Variants in MAP2 observed in about 807,000 individuals in gnomAD.
The protein encoded by MAP2 is microtubule associated protein 2, also known as microtubule-associated protein 2.
MAP2 carries 14 observed loss-of-function variants against 137.6 expected under a neutral mutation model. The ratio of observed to expected loss-of-function variants is 0.10; its 90% CI spans 0.07 to 0.16. The LOEUF is 0.16. Ranked by LOEUF, MAP2 falls within the 10% of genes least tolerant of loss-of-function variation. The probability of loss-of-function intolerance (pLI) is 1.00; values close to 1 mark genes in which losing one functional copy is unlikely to be tolerated. For synonymous variants in MAP2, 786 were observed against 782.3 expected (o/e 1.00, Z -0.08); for missense variants, 2,088 against 2,191.5 (o/e 0.95, Z 0.94).
In MAP2 at chr2:209,587,547, A is replaced by C. The variant is rs185585114; in HGVS notation, c.-107+7447A>C. On this transcript the variant is annotated intron_variant, in intron 3 of 15. Transcript: ENST00000682079. ...AGAAGCCTTGACAGACTCTGTCAGG[A>C]GGAATGTTACCTTTCTGCCTCCAGT... Among the ~76,000 whole-genome samples, 90 of 152,282 alleles carry C rather than the reference A, an allele frequency of 5.9e-4. 1 individual carries two copies. Among genetic ancestry groups the C allele is most frequent in the Admixed American group, 1.0e-3 (16 of 15,282 alleles).
intron 2 of MAP2, among the ~76,000 whole-genome samples, chr2:209,549,517 C>G (rs1335660847): frequency 1.3e-5 from 2 of 151,962 alleles, no homozygotes; most frequent in African/African-American, 4.8e-5. Flanking sequence ...ATTAGAAATC[C>G]AAAGTATATT....
At chr2:209,449,614 G>A (rs1403102337) in intron 1 of MAP2, among the ~76,000 whole-genome samples, 1 of 151,940 alleles carries the variant, frequency 6.6e-6, no homozygotes, top group East Asian at 1.9e-4. Context: ...ATAAAATAAA[G>A]AATAATTTCA....
rs1158096972 is a variant in MAP2, at chr2:209,434,833, CTATATATATATATATGT to C, written c.-222+10569_-222+10585del. On this transcript the variant is annotated intron_variant, in intron 1 of 15. Coordinates refer to ENST00000682079, the MANE Select transcript of MAP2 (RefSeq NM_001375505.1). The stretch of plus-strand genomic sequence containing the variant: ...CCAGATCCTCTCTCTCTCTCTCTCT[CTATATATATATATATGT>C]TATATATATATGTTATATATATGTT... Among the ~76,000 whole-genome samples the C allele has an allele frequency of 4.6e-3, 432 of 93,130 alleles. 16 individuals are homozygous for C. Among genetic ancestry groups the C allele is most frequent in the African/African-American group, 0.015 (379 of 25,192 alleles). The allele number at this position is 93,130 out of a possible 152,430, so 61.1% of individuals were successfully genotyped here. A position where few individuals can be genotyped will look rare whatever the true frequency, so the allele number is the denominator to read the frequency against.
At chr2:209,623,642 A>T (rs560667876) in intron 3 of MAP2, among the ~76,000 whole-genome samples, 131 of 152,292 alleles carry the variant, frequency 8.6e-4, no homozygotes, top group African/African-American at 2.4e-3. Context: ...TTAATTTGCT[A>T]ATAATCAAAA....
rs980965373 is a variant in MAP2, at chr2:209,614,254, G to T, written c.-106-10799G>T. Among the ~76,000 whole-genome samples, 3 of 152,066 alleles carry T rather than the reference G, an allele frequency of 2.0e-5. 1 individual carries two copies. Among genetic ancestry groups the T allele is most frequent in the Non-Finnish European group, 2.9e-5 (2 of 68,014 alleles). ...TAATAATAGAACATCTTTCTGAAAA[G>T]AGCACAAAGGATGGGGAATTGCATG... On this transcript the variant is annotated intron_variant, in intron 3 of 15. Transcript: ENST00000682079.
At chr2:209,606,457 T>A (rs2084785376) in intron 3 of MAP2, among the ~76,000 whole-genome samples, 1 of 152,054 alleles carries the variant, frequency 6.6e-6, no homozygotes, top group African/African-American at 2.4e-5. Context: ...AGCCTGGAGA[T>A]AAAATTTGCA....
At chr2:209,515,850 G>A (rs1435183695) in intron 2 of MAP2, among the ~76,000 whole-genome samples, 1 of 152,146 alleles carries the variant, frequency 6.6e-6, no homozygotes, top group Non-Finnish European at 1.5e-5. Context: ...ACAGTAGTGT[G>A]ATCATGGCTC....
chr2:209,509,734 C>T lies in MAP2; in HGVS notation c.-172+2093C>T, dbSNP rs114771368. On this transcript the variant is annotated intron_variant, in intron 2 of 15. Coordinates refer to ENST00000682079, the MANE Select transcript of MAP2 (RefSeq NM_001375505.1). ...TCCCTCACAGAAAAAGCATGTTTAT[C>T]TGTAAAACTGTTAGCTGAGCAAAAT... 2.7e-3 allele frequency among the ~76,000 whole-genome samples: 411 copies of T among 151,898 alleles called. 1 individual carries two copies. Among genetic ancestry groups the T allele is most frequent in the African/African-American group, 9.3e-3 (387 of 41,500 alleles).
At position 209,733,302 on chromosome 2, in the gene MAP2, A is replaced by G. The variant is rs2076012549; in HGVS notation, c.*2905A>G. The G allele has an allele frequency of 6.6e-6, 1 of 152,664 alleles. No individual in the cohort carries two copies. Among genetic ancestry groups the G allele is most frequent in the Non-Finnish European group, 1.5e-5 (1 of 68,040 alleles). The allele number at this position is 152,664 out of a possible 1,614,324, so 9.5% of individuals were successfully genotyped here. ...CAAAGGCCACGTTCATTTAGGAACCAACTCTCTCTGGATTTACCTGCTGAG... is the reference window on the plus strand; with the variant it reads ...CAAAGGCCACGTTCATTTAGGAACCGACTCTCTCTGGATTTACCTGCTGAG... On this transcript the variant is annotated 3_prime_UTR_variant, in exon 16 of 16. Coordinates refer to ENST00000682079, the MANE Select transcript of MAP2 (RefSeq NM_001375505.1).
At chr2:209,477,430 C>T (rs993748245) in intron 1 of MAP2, among the ~76,000 whole-genome samples, 2 of 151,858 alleles carry the variant, frequency 1.3e-5, no homozygotes, top group African/African-American at 4.8e-5. Flanking sequence ...ATAAAGAATA[C>T]ATCATGATTT....
At chr2:209,462,594 G>T (rs1281479089) in intron 1 of MAP2, among the ~76,000 whole-genome samples, 1 of 152,084 alleles carries the variant, frequency 6.6e-6, no homozygotes, top group Non-Finnish European at 1.5e-5. Context: ...GAAAACCACT[G>T]ACCAATTAGG....
intron 2 of MAP2, among the ~76,000 whole-genome samples, chr2:209,518,822 C>T (rs1344339190): frequency 6.6e-6 from 1 of 152,016 alleles, no homozygotes; most frequent in Non-Finnish European, 1.5e-5. Flanking sequence ...GATATCTGAA[C>T]ACATGGGAAC....
chr2:209,491,770 C>A (rs563356195), intron 1 of MAP2, among the ~76,000 whole-genome samples: 4 of 152,192 alleles, frequency 2.6e-5, no homozygotes, highest in African/African-American at 9.6e-5. Flanking sequence ...CTGAATAGAT[C>A]AATAACAAGT....
chr2:209,569,668 G>A (rs1470026648), intron 2 of MAP2, among the ~76,000 whole-genome samples: 2 of 151,720 alleles, frequency 1.3e-5, no homozygotes, highest in East Asian at 3.8e-4. Context: ...ATGAAAAAGT[G>A]TCCACACCAA....
chr2:209,556,882 A>T (rs911609707), intron 2 of MAP2, among the ~76,000 whole-genome samples: 3 of 152,054 alleles, frequency 2.0e-5, no homozygotes, highest in Non-Finnish European at 2.9e-5. Context: ...AATGCAAAAC[A>T]AAACAAAATA....
intron 3 of MAP2, among the ~76,000 whole-genome samples, chr2:209,619,679 A>G (rs2153516595): frequency 6.6e-6 from 1 of 152,270 alleles, no homozygotes; most frequent in Middle Eastern, 3.4e-3. Context: ...AGTCAGCATA[A>G]GCTACCAATT....
chr2:209,595,462 A>T lies in MAP2; in HGVS notation c.-107+15362A>T, dbSNP rs139529715. Among the ~76,000 whole-genome samples, 24 of 152,218 alleles carry T rather than the reference A, an allele frequency of 1.6e-4. No homozygotes were observed. The East Asian group carries it at 4.3e-3, about 27-fold the overall frequency. On this transcript the variant is annotated intron_variant, in intron 3 of 15. Transcript: ENST00000682079. ...TCATTAAAAAGTCAGGAAACAACAG[A>T]TGCTGGAGAGGAGGTGGAGAAACAG...
chr2:209,676,769 A>ATATATC (rs2051916836), intron 5 of MAP2, among the ~76,000 whole-genome samples: 8 of 94,176 alleles, frequency 8.5e-5, no homozygotes, highest in Non-Finnish European at 1.7e-4. Context: ...ATATATATAT[A>ATATATC]TATCTCCCAA....
At chr2:209,705,540 G>T (rs201387443) in intron 11 of MAP2, 40 bp from the exon 12 acceptor site, 583 of 1,528,974 alleles carry the variant, frequency 3.8e-4, no homozygotes, top group Non-Finnish European at 3.9e-4. Context: ...AAATTAAAGA[G>T]TTACAAGAAC....
Sources: gnomAD v4.1 joint callset for allele counts (sites outside exome capture counted in the v4.1 genomes callset) on GRCh38, gnomAD v4.1.1 for gene constraint, MANE v1.5 for transcripts, NCBI Gene and HGNC (gene_info 2026-07-23, HGNC 2026-07-21) for gene names.